Variants in RLF observed in about 807,000 individuals in gnomAD.
RLF encodes the protein RLF zinc finger, also known as zinc finger protein Rlf.
Under a neutral mutation model 162.9 loss-of-function variants are expected in RLF, and 7 were observed. That is an observed-to-expected ratio of 0.04 (90% CI 0.02 to 0.08). The LOEUF is 0.08. RLF is among the 10% of genes least tolerant of loss of function. RLF has a pLI of 1.00. For missense variants in RLF, 1,664 were observed against 2,244.7 expected (o/e 0.74, Z 5.23); for synonymous variants, 782 against 791.5 (o/e 0.99, Z 0.20).
intron 5 of RLF, among the ~76,000 whole-genome samples, chr1:40,211,061 C>G (rs1471462040): frequency 6.6e-6 from 1 of 152,192 alleles, no homozygotes; most frequent in Non-Finnish European, 1.5e-5. Context: ...ACATTCATTT[C>G]TTGTCTGTGG....
chr1:40,185,826 C>CAAA (rs762760072), intron 1 of RLF, among the ~76,000 whole-genome samples: 4 of 30,292 alleles, frequency 1.3e-4, no homozygotes, highest in Non-Finnish European at 1.2e-4. Flanking sequence ...GAGACTGTCT[C>CAAA]AAAAAAAAAA....
At position 40,238,846 on chromosome 1, in the gene RLF, C is replaced by G; in HGVS notation, c.4144C>G (p.His1382Asp). The G allele has an allele frequency of 6.2e-7, 1 of 1,614,160 alleles. No individual in the cohort carries two copies. Among genetic ancestry groups the G allele is most frequent in the Non-Finnish European group, 8.5e-7 (1 of 1,180,006 alleles). ...RFLCSKALAK[H>D]CSDSHNLDHI... is the part of the protein sequence containing the mutation. ...CCTGTGTTCCAAAGCTCTTGCTAAGCACTGTAGTGATTCTCATAACCTAGA... is the reference window on the plus strand; with the variant it reads ...CCTGTGTTCCAAAGCTCTTGCTAAGGACTGTAGTGATTCTCATAACCTAGA... The change falls in exon 8 of 8, where the codon CAC becomes GAC. Residue 1382 changes from histidine (H) to aspartate (D), a missense_variant. Around this residue, in one of 15 missense-constraint regions of RLF, gnomAD observed 200 missense variants for 207.3 expected, o/e 0.96. Coordinates refer to ENST00000372771, the MANE Select transcript of RLF (RefSeq NM_012421.4). This position sits in a 1 kb window ranked among gnomAD's most constrained non-coding sequence, Gnocchi z 5.2.
chr1:40,237,494 A>C lies in RLF; in HGVS notation c.2792A>C (p.Lys931Thr). 1 of 1,614,098 alleles carries C rather than the reference A, an allele frequency of 6.2e-7. No homozygotes were observed. Residue 931 changes from lysine (K) to threonine (T), a missense_variant, in exon 8 of 8, where the codon AAA (lysine) becomes ACA (threonine). By Grantham distance (78) the Lys-to-Thr change is moderately conservative. Coordinates refer to ENST00000372771, the MANE Select transcript of RLF (RefSeq NM_012421.4). This position sits in a 1 kb window ranked among gnomAD's most constrained non-coding sequence, Gnocchi z 4.4. ...CAGGATGTATTGTTATCTAATGAGA[A>C]AGTCTTTGGGCCCTCCAGTTTAAAA... The part of the protein sequence containing the change: ...TMQDVLLSNE[K>T]VFGPSSLKEK...
At chr1:40,200,534 A>T (rs1488020437) in intron 4 of RLF, among the ~76,000 whole-genome samples, 2 of 152,122 alleles carry the variant, frequency 1.3e-5, no homozygotes, top group Non-Finnish European at 2.9e-5. Context: ...TAAAAATAAG[A>T]AGATAGCTCT....
At chr1:40,177,130 C>T (rs1642337209) in intron 1 of RLF, among the ~76,000 whole-genome samples, 3 of 151,782 alleles carry the variant, frequency 2.0e-5, no homozygotes, top group South Asian at 2.1e-4. Context: ...TGGGAACAGG[C>T]GCCCACCACC....
rs1347652525 is a variant in RLF at position 40,238,924 on chromosome 1, T to C, written c.4222T>C (p.Ser1408Pro). The C allele has an allele frequency of 6.2e-7, 1 of 1,614,120 alleles. No individual in the cohort carries two copies. The highest frequency in any genetic ancestry group is 1.3e-5 in the African/African-American group (1 of 74,954). ...CGAAGCTGGATCTGCAGCAAGGTTTTCTTGTAACCAGCCTCAGTGCCCTGC... is the reference window on the plus strand; with the variant it reads ...CGAAGCTGGATCTGCAGCAAGGTTTCCTTGTAACCAGCCTCAGTGCCCTGC... Reference protein sequence around the residue: ...LSEAGSAARFSCNQPQCPAVF... With the variant: ...LSEAGSAARFPCNQPQCPAVF... The change falls in exon 8 of 8, where the codon TCT (serine) becomes CCT (proline). Residue 1408 changes from serine to proline, a missense_variant. Coordinates refer to ENST00000372771, the MANE Select transcript of RLF (RefSeq NM_012421.4). The surrounding 1 kb of genome is among the most constrained non-coding windows in gnomAD (Gnocchi z 5.2).
chr1:40,182,333 C>T (rs1466048575), intron 1 of RLF, among the ~76,000 whole-genome samples: 1 of 152,120 alleles, frequency 6.6e-6, no homozygotes, highest in African/African-American at 2.4e-5. Flanking sequence ...ACTTAGGAGG[C>T]TGAGGCAGGA....
intron 7 of RLF, 116 bp from the exon 8 acceptor site, chr1:40,235,676 T>C: frequency 1.5e-6 from 1 of 682,790 alleles, no homozygotes; most frequent in East Asian, 3.0e-5. Flanking sequence ...AAGAAAGATT[T>C]AAGATAAAAT....
intron 5 of RLF, among the ~76,000 whole-genome samples, chr1:40,209,319 A>G (rs576741364): frequency 4.7e-4 from 72 of 152,346 alleles, no homozygotes; most frequent in Middle Eastern, 3.4e-3. Flanking sequence ...TTATCTATAA[A>G]GTAGGCACAA....
At chr1:40,224,622 G>GTTTTTTTTTTTTTTTTTTTTTTTT (rs1557757506) in intron 6 of RLF, among the ~76,000 whole-genome samples, 1 of 13,518 alleles carries the variant, frequency 7.4e-5, no homozygotes, top group Non-Finnish European at 1.4e-4. Context: ...GTTTTTGAAA[G>GTTTTTTTTTTTTTTTTTTTTTTTT]CTTTTTTTTT....
At chr1:40,213,813 T>C (rs1642891781) in intron 5 of RLF, among the ~76,000 whole-genome samples, 1 of 152,240 alleles carries the variant, frequency 6.6e-6, no homozygotes, top group Non-Finnish European at 1.5e-5. Context: ...TGAAAACCAC[T>C]ATTCTAGAGA....
In RLF at chr1:40,238,977, G is replaced by A. The variant is rs1643253954; in HGVS notation, c.4275G>A (p.Lys1425=). 6.2e-7 allele frequency: 1 copy of A among 1,614,158 alleles called. No homozygotes were observed. Among genetic ancestry groups the A allele is most frequent in the Non-Finnish European group, 8.5e-7 (1 of 1,180,012 alleles). The part of the protein sequence containing the change: ...PAVFYTFNKL[K]HHLMEQHNIE... ...TTTTTTATACATTCAACAAGTTGAA[G>A]CACCACTTGATGGAACAGCATAATA... is the stretch of plus-strand genomic sequence containing the variant. Residue 1425 remains lysine, a synonymous_variant, in exon 8 of 8, where the codon AAG becomes AAA. Transcript: ENST00000372771. This position sits in a 1 kb window ranked among gnomAD's most constrained non-coding sequence, Gnocchi z 5.2.
At chr1:40,206,584 C>T (rs1442399264) in intron 5 of RLF, among the ~76,000 whole-genome samples, 1 of 152,174 alleles carries the variant, frequency 6.6e-6, no homozygotes, top group Non-Finnish European at 1.5e-5. Flanking sequence ...CTTGTCGTGC[C>T]ATGCCACTTC....
Position 40,238,559 on chromosome 1 carries a change from A to T in RLF, c.3857A>T (p.Glu1286Val). The T allele has an allele frequency of 6.2e-7, 1 of 1,613,842 alleles. No homozygotes were observed. The highest frequency in any genetic ancestry group is 8.5e-7 in the Non-Finnish European group (1 of 1,180,012). Residue 1286 changes from glutamate to valine, a missense_variant, in exon 8 of 8, where the codon GAG becomes GTG. Physicochemically the swap from Glu to Val is moderately radical, Grantham distance 121. Transcript: ENST00000372771. The surrounding 1 kb of genome is among the most constrained non-coding windows in gnomAD (Gnocchi z 5.2). ...GSHREEQEGR[E>V]GRGSRRTVAK... ...CATAGAGAAGAACAAGAAGGAAGAG[A>T]GGGCAGAGGTAGCAGGCGAACTGTT...
chr1:40,195,312 G>T (rs561765415), intron 3 of RLF, among the ~76,000 whole-genome samples: 1 of 151,804 alleles, frequency 6.6e-6, no homozygotes, highest in Admixed American at 6.6e-5. Context: ...AGCTGGGCGC[G>T]GTGACAGACG....
At chr1:40,194,555 G>A (rs1019196015) in intron 3 of RLF, among the ~76,000 whole-genome samples, 2 of 150,364 alleles carry the variant, frequency 1.3e-5, no homozygotes, top group African/African-American at 2.4e-5. Flanking sequence ...CAGGAGAATC[G>A]CTTGAACCAA....
intron 6 of RLF, among the ~76,000 whole-genome samples, chr1:40,225,878 C>CAAA (rs71577617): frequency 0.069 from 1,017 of 14,790 alleles, 222 homozygotes; most frequent in African/African-American, 0.24. Flanking sequence ...GACTCCGTCG[C>CAAA]AAAAAAAAAA....
intron 1 of RLF, among the ~76,000 whole-genome samples, chr1:40,176,949 A>G (rs910056024): frequency 1.3e-5 from 2 of 151,208 alleles, no homozygotes; most frequent in Admixed American, 1.3e-4. Flanking sequence ...TTCTCTTAAC[A>G]GTATATTTCT....
intron 4 of RLF, among the ~76,000 whole-genome samples, chr1:40,202,021 GTTA>G (rs1642725210): frequency 6.6e-6 from 1 of 152,116 alleles, no homozygotes; most frequent in African/African-American, 2.4e-5. Context: ...TCCTTGGCAA[GTTA>G]CCTAACTTCT....
Sources: gnomAD v4.1 joint callset for allele counts (sites outside exome capture counted in the v4.1 genomes callset) on GRCh38, gnomAD v4.1.1 for gene constraint, gnomAD v4.1.1 regional missense constraint, Gnocchi (gnomAD v3.1) non-coding constraint, MANE v1.5 for transcripts, NCBI Gene and HGNC (gene_info 2026-07-23, HGNC 2026-07-21) for gene names.